The following HSPG2 variants were observed in gnomAD, a reference collection of about 807,000 sequenced individuals.
The protein encoded by HSPG2 is heparan sulfate proteoglycan 2.
A neutral mutation model predicts 526.6 loss-of-function variants in HSPG2; 278 were observed. The observed-to-expected ratio is 0.53, with a 90% CI of 0.48 to 0.58. HSPG2 has a LOEUF of 0.58. HSPG2 is among the 20% of genes least tolerant of loss of function. The probability of loss-of-function intolerance (pLI) is 0.00; values close to 1 mark genes in which losing one functional copy is unlikely to be tolerated. For synonymous variants in HSPG2, 2,465 were observed against 2,555.4 expected, an observed-to-expected ratio of 0.96 and a Z score of 1.07; for missense variants, 5,354 against 6,099.5, an observed-to-expected ratio of 0.88 and a Z score of 4.07.
chr1:21,892,384 G>A (rs1023394293), intron 3 of HSPG2, among the ~76,000 whole-genome samples: 1 of 152,268 alleles, frequency 6.6e-6, no homozygotes, highest in African/African-American at 2.4e-5. Context: ...GAATGTGCCC[G>A]CTCCTGGGGA....
intron 1 of HSPG2, among the ~76,000 whole-genome samples, chr1:21,896,831 T>A (rs751229484): frequency 2.6e-5 from 4 of 152,198 alleles, no homozygotes; most frequent in African/African-American, 7.2e-5. Context: ...CCTGCCTCAC[T>A]CTGGCCTGCC....
At chr1:21,924,287 C>T (rs904325195) in intron 1 of HSPG2, among the ~76,000 whole-genome samples, 2 of 152,218 alleles carry the variant, frequency 1.3e-5, no homozygotes, top group African/African-American at 4.8e-5. Context: ...GGCATGGTCC[C>T]TACTCTCCGG....
At chr1:21,875,603 G>T in intron 25 of HSPG2, 26 bp downstream of exon 25, 2 of 1,568,378 alleles carry the variant, frequency 1.3e-6, no homozygotes, top group Non-Finnish European at 1.7e-6. Flanking sequence ...AGCCCATGCT[G>T]GTCCTCCTGC....
intron 33 of HSPG2, among the ~76,000 whole-genome samples, chr1:21,868,336 C>G (rs1003029201): frequency 1.3e-5 from 2 of 152,190 alleles, no homozygotes; most frequent in Non-Finnish European, 2.9e-5. Context: ...CCACGCCCAG[C>G]CTGCTATGTG....
rs1640909263 is a variant in HSPG2 at position 21,874,691 on chromosome 1, G to A, written c.3453C>T (p.Leu1151=). The change falls in exon 27 of 97, where the codon CTC becomes CTT. Residue 1151 remains leucine (L), a synonymous_variant. Transcript: ENST00000374695. ...TGCAGCGTTCACAGGTACCCAGGTA[G>A]AGGCCACTGGGCGTGCGTGTGTAGC... ...DTGYTRTPSG[L]YLGTCERCSC... 1.2e-6 allele frequency: 2 copies of A among 1,610,700 alleles called. No homozygotes were observed. Among genetic ancestry groups the A allele is most frequent in the Non-Finnish European group, 8.5e-7 (1 of 1,178,540 alleles).
chr1:21,894,144 C>T (rs1642575833), intron 3 of HSPG2, among the ~76,000 whole-genome samples: 1 of 151,350 alleles, frequency 6.6e-6, no homozygotes, highest in African/African-American at 2.4e-5. Flanking sequence ...GGGGAGGAGA[C>T]GTGGGAAGGG....
Position 21,838,999 on chromosome 1 carries a change from G to A in HSPG2, c.9976C>T (p.Pro3326Ser), listed in dbSNP as rs1188877258. The A allele has an allele frequency of 6.2e-7, 1 of 1,610,360 alleles. No homozygotes were observed. Among genetic ancestry groups the A allele is most frequent in the Non-Finnish European group, 8.5e-7 (1 of 1,177,156 alleles). The part of the protein sequence containing the change: ...VQLQCLAHGT[P>S]PLTFQWSRVG... The stretch of plus-strand genomic sequence containing the variant: ...CGGCTCCACTGGAAGGTGAGTGGGG[G>A]TGTCCCGTGAGCCAGGCACTGGAGC... Residue 3326 changes from proline (P) to serine (S), a missense_variant, in exon 74 of 97, where the codon CCC becomes TCC. By Grantham distance (74) the Pro-to-Ser change is moderately conservative (BLOSUM62 -1). Coordinates refer to ENST00000374695, the MANE Select transcript of HSPG2 (RefSeq NM_005529.7).
chr1:21,842,427 C>A, intron 67 of HSPG2, 47 bp from the exon 68 acceptor site: 1 of 1,533,770 alleles, frequency 6.5e-7, no homozygotes, highest in Admixed American at 2.0e-5. Context: ...GTCCCCAGGA[C>A]AAGGAATGTC....
chr1:21,842,350 C>G lies in HSPG2; in HGVS notation c.8941G>C (p.Val2981Leu), dbSNP rs2229490. The change falls in exon 68 of 97, where the codon GTC becomes CTC. Residue 2981 changes from valine to leucine, a missense_variant. Physicochemically the swap from Val to Leu is conservative, Grantham distance 32 (BLOSUM62 1). Coordinates refer to ENST00000374695, the MANE Select transcript of HSPG2 (RefSeq NM_005529.7). The stretch of plus-strand genomic sequence containing the variant: ...TACTCGCCTGAGTCGGCAGGGGAGA[C>G]GAGGTGGAGCCGCAGCTGGGAGCCA... The part of the protein sequence containing the change: ...THGSQLRLHL[V>L]SPADSGEYVC... 1 of 1,609,930 alleles carries G rather than the reference C, an allele frequency of 6.2e-7. No individual in the cohort carries two copies. Among genetic ancestry groups the G allele is most frequent in the East Asian group, 2.2e-5 (1 of 44,772 alleles).
chr1:21,870,817 G>A (rs545737268), intron 33 of HSPG2: 25 of 986,096 alleles, frequency 2.5e-5, no homozygotes, highest in Non-Finnish European at 2.7e-5. Flanking sequence ...TTCACACCAC[G>A]CACGTCCTGG....
At chr1:21,920,536 C>T (rs1644008771) in intron 1 of HSPG2, among the ~76,000 whole-genome samples, 1 of 152,242 alleles carries the variant, frequency 6.6e-6, no homozygotes, top group Admixed American at 6.5e-5. Flanking sequence ...GTTCCCCCCA[C>T]ATCGCCTTAT....
At chr1:21,825,074 T>G in intron 91 of HSPG2, 1 of 468,264 alleles carries the variant, frequency 2.1e-6, no homozygotes, top group Non-Finnish European at 4.0e-6. Flanking sequence ...TTACTAGTAT[T>G]TGCTTATCAC....
Position 21,931,905 on chromosome 1 carries a change from G to T in HSPG2, c.63+5250C>A, listed in dbSNP as rs1055455515. Among the ~76,000 whole-genome samples the T allele has an allele frequency of 5.9e-5, 9 of 152,128 alleles. No homozygotes were observed. The South Asian group carries it at 6.2e-4, about 11-fold the overall frequency. On this transcript the variant is annotated intron_variant, in intron 1 of 96. Coordinates refer to ENST00000374695, the MANE Select transcript of HSPG2 (RefSeq NM_005529.7). ...GGGTGTTCTTCCCCTTCCCCCACTA[G>T]CAGCATGGCAGGGGCAGGGGCCCCT...
intron 33 of HSPG2, among the ~76,000 whole-genome samples, chr1:21,866,441 G>C (rs1393209199): frequency 6.6e-6 from 1 of 152,228 alleles, no homozygotes; most frequent in East Asian, 1.9e-4. Flanking sequence ...ATCAGGGATA[G>C]ACAAGTAACC....
chr1:21,835,300 A>C (rs2098021993), intron 76 of HSPG2: 1 of 602,812 alleles, frequency 1.7e-6, no homozygotes, highest in Non-Finnish European at 3.0e-6. Context: ...ACACTGATTC[A>C]ATCTTCATCG....
chr1:21,826,483 CG>C lies in HSPG2; in HGVS notation c.12589+1379del, dbSNP rs1430382008. The stretch of plus-strand genomic sequence containing the variant: ...CCTCCCAAAGTGCTGGGATTATAGG[CG>C]TGAGTCACCATACCCAGCTGAATAT... On this transcript the variant is annotated intron_variant, in intron 91 of 96. Coordinates refer to ENST00000374695, the MANE Select transcript of HSPG2 (RefSeq NM_005529.7). Among the ~76,000 whole-genome samples the C allele has an allele frequency of 2.0e-5, 3 of 151,990 alleles. No homozygotes were observed. In the East Asian group the frequency reaches 5.8e-4, roughly 29 times the overall value.
chr1:21,920,479 G>A (rs1314365984), intron 1 of HSPG2, among the ~76,000 whole-genome samples: 1 of 152,206 alleles, frequency 6.6e-6, no homozygotes, highest in Non-Finnish European at 1.5e-5. Context: ...TCCCTAAAAA[G>A]AGGCGCTGGG....
chr1:21,899,115 C>T (rs1642948936), intron 1 of HSPG2, among the ~76,000 whole-genome samples: 1 of 152,234 alleles, frequency 6.6e-6, no homozygotes, highest in African/African-American at 2.4e-5. Flanking sequence ...GTCCCTCCAT[C>T]TGCCAGTCTG....
chr1:21,888,309 C>A (rs993076568), intron 6 of HSPG2, among the ~76,000 whole-genome samples: 1 of 152,356 alleles, frequency 6.6e-6, no homozygotes, highest in African/African-American at 2.4e-5. Context: ...ACATGCCACA[C>A]GCATGCAACC....
Sources: gnomAD v4.1 joint callset for allele counts (sites outside exome capture counted in the v4.1 genomes callset) on GRCh38, gnomAD v4.1.1 for gene constraint, MANE v1.5 for transcripts, NCBI Gene and HGNC (gene_info 2026-07-23, HGNC 2026-07-21) for gene names.